Variants in PIK3R3 observed in about 807,000 individuals in gnomAD.
PIK3R3 encodes the protein phosphatidylinositol 3-kinase regulatory subunit gamma.
In PIK3R3, 64 loss-of-function variants were observed where a neutral mutation model predicts 62.9. The observed-to-expected ratio is 1.02, with a 90% confidence interval of 0.83 to 1.25. The LOEUF (loss-of-function observed/expected upper bound fraction) is 1.25, where lower values mean the gene tolerates loss of function less well. Among genes scored for constraint, PIK3R3 ranks in the 50% most tolerant of loss-of-function variants. The pLI, the probability that PIK3R3 is intolerant of heterozygous loss-of-function variation, is 0.00. For missense variants in PIK3R3, 614 were observed against 561.6 expected (o/e 1.09, Z -0.94); for synonymous variants, 165 against 189.0 (o/e 0.87, Z 1.04).
intron 1 of PIK3R3, among the ~76,000 whole-genome samples, chr1:46,100,653 T>C (rs1460667565): frequency 6.6e-6 from 1 of 152,270 alleles, no homozygotes; most frequent in Non-Finnish European, 1.5e-5. Flanking sequence ...CCTGTCATTA[T>C]ATTAAACAGA....
rs1289336224 is a variant in PIK3R3 at position 46,077,592 on chromosome 1, C to T, written c.237G>A (p.Leu79=). The change falls in exon 3 of 10, where the codon TTG becomes TTA. Residue 79 remains leucine, a synonymous_variant. Transcript: ENST00000262741. ...DISREEVNDK[L]RDMPDGTFLV... ...AGAAGGTCCCATCTGGCATATCCCG[C>T]AATTTGTCATTTACCTCCTCCCTGA... 1.2e-6 allele frequency: 2 copies of T among 1,609,440 alleles called. No individual in the cohort carries two copies. The highest frequency in any genetic ancestry group is 1.7e-6 in the Non-Finnish European group (2 of 1,175,916).
chr1:46,058,483 A>C (rs1403757868), intron 6 of PIK3R3, among the ~76,000 whole-genome samples: 1 of 152,222 alleles, frequency 6.6e-6, no homozygotes, highest in Non-Finnish European at 1.5e-5. Flanking sequence ...CCACCCTGTG[A>C]AAGCAGCCAG....
chr1:46,110,956 C>G (rs1344428586), intron 1 of PIK3R3, among the ~76,000 whole-genome samples: 2 of 151,844 alleles, frequency 1.3e-5, no homozygotes, highest in African/African-American at 2.4e-5. Flanking sequence ...TACATTGCTT[C>G]TCTTGTCCCA....
intron 5 of PIK3R3, among the ~76,000 whole-genome samples, chr1:46,062,633 T>G (rs1367338224): frequency 6.6e-6 from 1 of 152,206 alleles, no homozygotes; most frequent in East Asian, 1.9e-4. Flanking sequence ...TTAAATTTTG[T>G]TCAGTTTGCT....
At chr1:46,159,925 C>T in the PIK3R3 span, among the ~76,000 whole-genome samples, 1 of 152,164 alleles carries the variant, frequency 6.6e-6, no homozygotes, top group African/African-American at 2.4e-5. Flanking sequence ...TCCTCTTTTA[C>T]TCTCCAGCCC....
the PIK3R3 span, among the ~76,000 whole-genome samples, chr1:46,163,092 C>A: frequency 6.6e-6 from 1 of 152,200 alleles, no homozygotes; most frequent in African/African-American, 2.4e-5. Context: ...GCTGCTTCAG[C>A]CTTTTGGACA....
intron 6 of PIK3R3, among the ~76,000 whole-genome samples, chr1:46,061,621 G>A (rs1034022588): frequency 6.6e-6 from 1 of 152,182 alleles, no homozygotes; most frequent in Admixed American, 6.5e-5. Context: ...CTAGGGATCA[G>A]GACCAGGCAC....
chr1:46,053,950 C>A (rs785470), intron 7 of PIK3R3, among the ~76,000 whole-genome samples: 102,346 of 151,924 alleles, frequency 0.67, 34,729 homozygotes, highest in Non-Finnish European at 0.71. Context: ...CAGATAAGAG[C>A]ACCCTCCTTG....
At chr1:46,104,134 G>C (rs1466177865) in intron 1 of PIK3R3, among the ~76,000 whole-genome samples, 1 of 151,852 alleles carries the variant, frequency 6.6e-6, no homozygotes, top group Non-Finnish European at 1.5e-5. Flanking sequence ...CACTATGTTG[G>C]CCAGGTTGGT....
the PIK3R3 span, among the ~76,000 whole-genome samples, chr1:46,139,820 C>T: frequency 6.6e-6 from 1 of 152,220 alleles, no homozygotes; most frequent in Non-Finnish European, 1.5e-5. Context: ...ATACAACTCA[C>T]ACATACCACT....
At chr1:46,047,839 G>C (rs1248421603) in intron 7 of PIK3R3, among the ~76,000 whole-genome samples, 1 of 152,152 alleles carries the variant, frequency 6.6e-6, no homozygotes, top group Non-Finnish European at 1.5e-5. Context: ...GGAATGCAAT[G>C]GCACAATCTC....
At chr1:46,145,966 A>G in the PIK3R3 span, among the ~76,000 whole-genome samples, 1 of 152,300 alleles carries the variant, frequency 6.6e-6, no homozygotes, top group South Asian at 2.1e-4. Flanking sequence ...ATCTGGGTGG[A>G]GAAGCACCCT....
chr1:46,169,397 A>C, the PIK3R3 span, among the ~76,000 whole-genome samples: 58 of 152,256 alleles, frequency 3.8e-4, no homozygotes, highest in Non-Finnish European at 5.7e-4. Context: ...AAATGTGGGC[A>C]TTATTTTTAT....
intron 1 of PIK3R3, among the ~76,000 whole-genome samples, chr1:46,123,097 T>A (rs899788779): frequency 2.0e-5 from 3 of 152,036 alleles, no homozygotes; most frequent in Admixed American, 6.6e-5. Context: ...AAAAAAGATA[T>A]GAAGGAAATA....
At chr1:46,068,427 CT>C in intron 3 of PIK3R3, among the ~76,000 whole-genome samples, 1 of 152,240 alleles carries the variant, frequency 6.6e-6, no homozygotes, top group African/African-American at 2.4e-5. Context: ...ATATCTCTGT[CT>C]TTCAGTTTAT....
intron 1 of PIK3R3, among the ~76,000 whole-genome samples, chr1:46,107,609 C>T (rs1653342988): frequency 6.6e-6 from 1 of 152,126 alleles, no homozygotes. Context: ...ATGACTGTAT[C>T]ATCATTTACT....
intron 7 of PIK3R3, among the ~76,000 whole-genome samples, chr1:46,049,266 G>A (rs967471752): frequency 4.6e-5 from 7 of 151,906 alleles, no homozygotes; most frequent in Non-Finnish European, 8.8e-5. Flanking sequence ...GAAAAAATAT[G>A]TATTATATAG....
chr1:46,166,390 T>C, the PIK3R3 span, among the ~76,000 whole-genome samples: 3 of 151,726 alleles, frequency 2.0e-5, no homozygotes, highest in Admixed American at 2.0e-4. Context: ...GCCTGGCTAA[T>C]TTTTGTATTT....
chr1:46,099,160 A>G (rs1321841166), intron 1 of PIK3R3, among the ~76,000 whole-genome samples: 2 of 152,204 alleles, frequency 1.3e-5, no homozygotes, highest in Non-Finnish European at 2.9e-5. Context: ...GAATTATATC[A>G]TAACAGAAAA....
Sources: gnomAD v4.1 joint callset for allele counts (sites outside exome capture counted in the v4.1 genomes callset) on GRCh38, gnomAD v4.1.1 for gene constraint, MANE v1.5 for transcripts, NCBI Gene and HGNC (gene_info 2026-07-23, HGNC 2026-07-21) for gene names.